Variants in KCP observed in about 807,000 individuals in gnomAD.
KCP encodes the protein kielin cysteine rich BMP regulator.
A neutral mutation model predicts 212.7 loss-of-function variants in KCP; 194 were observed. The observed-to-expected ratio is 0.91, with a 90% CI of 0.81 to 1.03. The LOEUF (loss-of-function observed/expected upper bound fraction) is 1.03. Among genes scored for constraint, KCP ranks in the 50% least tolerant of loss-of-function variants. The probability of loss-of-function intolerance (pLI) is 0.00; values close to 1 mark genes in which losing one functional copy is unlikely to be tolerated. For missense variants in KCP, 2,080 were observed against 2,162.5 expected (o/e 0.96, Z 0.76); for synonymous variants, 833 against 865.3 (o/e 0.96, Z 0.65).
chr7:128,877,081 G>A lies in KCP; in HGVS notation c.4849C>T (p.Arg1617Trp), dbSNP rs974646709. The change falls in exon 40 of 40, where the codon CGG becomes TGG. Residue 1617 changes from arginine (R) to tryptophan (W), a missense_variant. Transcript: ENST00000610776. Reference protein sequence around the residue: ...LLTGDQPLGARPSPSREPQET... With the variant: ...LLTGDQPLGAWPSPSREPQET... ...TGGGGCTCCCGGCTGGGGCTGGGCC[G>A]AGCACCAAGTGGCTGGTCTCCAGTG... 1.6e-5 allele frequency: 25 copies of A among 1,520,962 alleles called. No individual in the cohort carries two copies. Among genetic ancestry groups the A allele is most frequent in the African/African-American group, 7.0e-5 (5 of 70,930 alleles). The allele number at this position is 1,520,962 out of a possible 1,614,324, so 94.2% of individuals were successfully genotyped here.
At chr7:128,908,128 C>CA (rs11323714) in intron 2 of KCP, among the ~76,000 whole-genome samples, 6,872 of 75,996 alleles carry the variant, frequency 0.09, 881 homozygotes, top group African/African-American at 0.22. Flanking sequence ...GACTCCATCT[C>CA]AAAAAAAAAA....
chr7:128,909,331 C>T lies in KCP; in HGVS notation c.77-763G>A, dbSNP rs368699174. 9.9e-5 allele frequency among the ~76,000 whole-genome samples: 15 copies of T among 152,192 alleles called. 1 individual carries two copies. In the South Asian group the frequency reaches 1.9e-3, roughly 19 times the overall value. On this transcript the variant is annotated intron_variant, in intron 1 of 39. Coordinates refer to ENST00000610776, the MANE Select transcript of KCP (RefSeq NM_001366122.1). ...GAGGAGGGAGAGGGATGGGTCTTTC[C>T]CACCATGGCAGCTCATTAGTGAGGC...
rs931510857 is a variant in KCP, at chr7:128,878,530, C to T, written c.4311+28G>A. 3.2e-6 allele frequency: 5 copies of T among 1,544,420 alleles called. No individual in the cohort carries two copies. The African/African-American group carries it at 6.9e-5, about 21-fold the overall frequency. The stretch of plus-strand genomic sequence containing the variant: ...CATGCTCAGCTGCGTCTCCCCTAAT[C>T]CCCATCCCCGGTTCCTGTACCACTC... On this transcript the variant is annotated intron_variant, in intron 38 of 39. Transcript: ENST00000610776.
rs375418081 is a variant in KCP, at chr7:128,904,564, C to A, written c.572-426G>T. On this transcript the variant is annotated intron_variant, in intron 5 of 39. Coordinates refer to ENST00000610776, the MANE Select transcript of KCP (RefSeq NM_001366122.1). Reference sequence around the variant, plus strand: ...CAGTGGCAGTAGCAGCCCTGCCTAGCCCCCACATTTGGGCTTGGCATGGTC... The same window carrying A: ...CAGTGGCAGTAGCAGCCCTGCCTAGACCCCACATTTGGGCTTGGCATGGTC... Among the ~76,000 whole-genome samples, 361 of 152,356 alleles carry A rather than the reference C, an allele frequency of 2.4e-3. 3 individuals are homozygous for A. Among genetic ancestry groups the A allele is most frequent in the Non-Finnish European group, 4.2e-3 (288 of 68,036 alleles).
Position 128,887,447 on chromosome 7 carries a change from C to A in KCP, c.2513-147G>T. 3 of 674,192 alleles carry A rather than the reference C, an allele frequency of 4.4e-6. No homozygotes were observed. In the Admixed American group the frequency reaches 6.3e-5, roughly 14 times the overall value. 41.8% of individuals were successfully genotyped at this position (674,192 alleles called of 1,614,324 possible). ...CACACACACATACCCATATACACAG[C>A]CACACCCACAACCACATACACACAC... On this transcript the variant is annotated intron_variant, in intron 22 of 39. Transcript: ENST00000610776.
At chr7:128,879,172 G>A (rs541829638) in intron 37 of KCP, 216 of 367,934 alleles carry the variant, frequency 5.9e-4, no homozygotes, top group African/African-American at 4.0e-3. Context: ...ATGAGAGTTG[G>A]AAGGAACCTG....
At chr7:128,891,373 A>T in intron 18 of KCP, 78 bp downstream of exon 18, 1 of 1,546,374 alleles carries the variant, frequency 6.5e-7, no homozygotes, top group South Asian at 1.2e-5. Flanking sequence ...CACCCCTCCC[A>T]CCTGGGCGGG....
chr7:128,886,810 A>C, intron 24 of KCP, 66 bp downstream of exon 24: 1 of 1,366,852 alleles, frequency 7.3e-7, no homozygotes, highest in Non-Finnish European at 1.0e-6. Flanking sequence ...TAGGCCTGGC[A>C]GGAAGGGAAG....
chr7:128,901,761 G>T (rs1160100818), intron 8 of KCP, among the ~76,000 whole-genome samples: 1 of 152,200 alleles, frequency 6.6e-6, no homozygotes, highest in African/African-American at 2.4e-5. Flanking sequence ...CAGTGGGGTT[G>T]GGTGCCCTGT....
Position 128,877,259 on chromosome 7 carries a change from G to T in KCP, c.4671C>A (p.Pro1557=). ...RGFVFDECGP[P]CPRTCFNQHI... is the part of the protein sequence containing the mutation. ...GCTGATTGAAGCAGGTGCGGGGACA[G>T]GGTGGGCCGCACTCATCAAACACGA... Residue 1557 remains proline (P), a synonymous_variant, in exon 40 of 40, where the codon CCC becomes CCA. Coordinates refer to ENST00000610776, the MANE Select transcript of KCP (RefSeq NM_001366122.1). 2 of 1,493,438 alleles carry T rather than the reference G, an allele frequency of 1.3e-6. No individual in the cohort carries two copies. The highest frequency in any genetic ancestry group is 1.8e-6 in the Non-Finnish European group (2 of 1,122,484). 92.5% of individuals were successfully genotyped at this position (1,493,438 alleles called of 1,614,324 possible). A position where few individuals can be genotyped will look rare whatever the true frequency, so the allele number is the denominator to read the frequency against.
intron 21 of KCP, 54 bp downstream of exon 21, chr7:128,890,289 G>A (rs1032839864): frequency 1.9e-6 from 3 of 1,551,340 alleles, no homozygotes; most frequent in African/African-American, 2.7e-5. Context: ...TTCTGACCCA[G>A]CCCTCTGGTC....
At chr7:128,884,717 C>T in intron 28 of KCP, 64 bp downstream of exon 28, 3 of 1,447,704 alleles carry the variant, frequency 2.1e-6, no homozygotes, top group South Asian at 2.4e-5. Flanking sequence ...GGCTGGGCCT[C>T]ATCCCATGCT....
intron 2 of KCP, among the ~76,000 whole-genome samples, chr7:128,907,736 C>T (rs1470370652): frequency 6.6e-6 from 1 of 152,230 alleles, no homozygotes; most frequent in Non-Finnish European, 1.5e-5. Flanking sequence ...ATATAGAATG[C>T]ATTCCATAAC....
rs1247211651 is a variant in KCP at position 128,906,180 on chromosome 7, C to T, written c.571+99G>A. On this transcript the variant is annotated intron_variant, in intron 5 of 39. Transcript: ENST00000610776. The stretch of plus-strand genomic sequence containing the variant: ...GCCACTGTCAGAGTGAGTGGGTAGG[C>T]ACCCCTGGGCATGTCCCAGACTCAC... 3.0e-6 allele frequency: 3 copies of T among 992,406 alleles called. No individual in the cohort carries two copies. The South Asian group carries it at 4.2e-5, about 14-fold the overall frequency. The allele number at this position is 992,406 out of a possible 1,614,324, so 61.5% of individuals were successfully genotyped here. A position where few individuals can be genotyped will look rare whatever the true frequency, so the allele number is the denominator to read the frequency against.
Position 128,878,483 on chromosome 7 carries a change from G to A in KCP, c.4311+75C>T, listed in dbSNP as rs553351526. On this transcript the variant is annotated intron_variant, in intron 38 of 39. Transcript: ENST00000610776. ...TTCGCCCCCCTTCCCTGCTTTCCAT[G>A]CCAGAGGGTTGCTCTGAGACTCATG... 185 of 1,440,122 alleles carry A rather than the reference G, an allele frequency of 1.3e-4. 3 individuals carry two copies. The South Asian group carries it at 2.5e-3, about 19-fold the overall frequency. 89.2% of individuals were successfully genotyped at this position (1,440,122 alleles called of 1,614,324 possible).
chr7:128,890,774 A>T (rs1270198482), intron 20 of KCP, 131 bp downstream of exon 20: 4 of 908,894 alleles, frequency 4.4e-6, no homozygotes, highest in Middle Eastern at 3.5e-4. Context: ...TGCTGACCGG[A>T]CACTACATTC....
Position 128,907,463 on chromosome 7 carries a change from G to C in KCP, c.220-10C>G. ...TCTGCAGGTCCTTATTCTGGAGGAA[G>C]GAGATGGAATAGCAGGCACTGGCTC... On this transcript the variant is annotated splice_polypyrimidine_tract_variant and intron_variant, in intron 2 of 39. Coordinates refer to ENST00000610776, the MANE Select transcript of KCP (RefSeq NM_001366122.1). 1 of 1,461,012 alleles carries C rather than the reference G, an allele frequency of 6.8e-7. No individual in the cohort carries two copies. 90.5% of individuals were successfully genotyped at this position (1,461,012 alleles called of 1,614,324 possible).
chr7:128,886,426 G>A (rs1296553557), intron 26 of KCP, 38 bp downstream of exon 26: 1 of 1,504,706 alleles, frequency 6.6e-7, no homozygotes, highest in Non-Finnish European at 9.0e-7. Context: ...ACAGGGCCAA[G>A]GGGCTGAAGC....
intron 2 of KCP, 81 bp downstream of exon 2, chr7:128,908,345 C>A (rs1253485158): frequency 7.3e-7 from 1 of 1,370,324 alleles, no homozygotes; most frequent in Non-Finnish European, 9.8e-7. Flanking sequence ...AGGCTCCCCC[C>A]TCCAAGCCTA....
Sources: allele counts gnomAD v4.1 joint callset (sites outside exome capture counted in the v4.1 genomes callset), GRCh38; gene constraint gnomAD v4.1.1; transcripts MANE v1.5; gene names NCBI Gene and HGNC (gene_info 2026-07-23, HGNC 2026-07-21).